Variants in MIA2 observed in about 807,000 individuals in gnomAD.
MIA2 encodes the protein MIA SH3 domain ER export factor 2.
In MIA2, 127 loss-of-function variants were observed where a neutral mutation model predicts 167.8. The observed-to-expected ratio is 0.76, with a 90% CI of 0.66 to 0.88. MIA2 has a LOEUF of 0.88. Among genes scored for constraint, MIA2 ranks in the 40% least tolerant of loss-of-function variants. The pLI, the probability that MIA2 is intolerant of heterozygous loss-of-function variation, is 0.00. For missense variants in MIA2, 1,690 were observed against 1,624.7 expected (o/e 1.04, Z -0.69); for synonymous variants, 552 against 541.9 (o/e 1.02, Z -0.26).
intron 26 of MIA2, among the ~76,000 whole-genome samples, chr14:39,346,710 A>G (rs1221103155): frequency 6.7e-6 from 1 of 149,000 alleles, no homozygotes; most frequent in Non-Finnish European, 1.5e-5. Flanking sequence ...TTTTAAAAAT[A>G]TTGATTTTCT....
rs754497058 is a variant in MIA2 at position 39,348,785 on chromosome 14, G to A, written c.3880G>A (p.Ala1294Thr). The A allele has an allele frequency of 2.5e-6, 4 of 1,613,848 alleles. No individual in the cohort carries two copies. Among genetic ancestry groups the A allele is most frequent in the Admixed American group, 3.3e-5 (2 of 59,988 alleles). The change falls in exon 28 of 29, where the codon GCC becomes ACC. Residue 1294 changes from alanine to threonine, a missense_variant. By Grantham distance (58) the Ala-to-Thr change is moderately conservative. Coordinates refer to ENST00000640607, the MANE Select transcript of MIA2 (RefSeq NM_001329214.4). ...PDSSLPAENE[A>T]TGPGFVPPPL... ...TTCATCTCTCCCTGCTGAAAATGAA[G>A]CCACTGGCCCTGGCTTTGTTCCTCC...
intron 22 of MIA2, 47 bp downstream of exon 22, chr14:39,318,058 C>T (rs763772792): frequency 1.8e-5 from 24 of 1,359,450 alleles, no homozygotes; most frequent in Middle Eastern, 3.6e-4. Context: ...TCTGTTATTT[C>T]GTTAATTAGG....
intron 23 of MIA2, among the ~76,000 whole-genome samples, chr14:39,361,758 T>C (rs1349505549): frequency 1.3e-5 from 2 of 152,078 alleles, no homozygotes; most frequent in East Asian, 3.9e-4. Context: ...CTATATTTGA[T>C]AGGAGTCATA....
intron 28 of MIA2, 97 bp from the exon 29 acceptor site, chr14:39,350,001 A>C: frequency 1.9e-6 from 1 of 520,644 alleles, no homozygotes; most frequent in Non-Finnish European, 3.5e-6. Flanking sequence ...TTTCAAATAA[A>C]AGAATAGGTA....
chr14:39,234,590 A>G (rs1245380925), intron 1 of MIA2, among the ~76,000 whole-genome samples: 1 of 152,112 alleles, frequency 6.6e-6, no homozygotes, highest in Non-Finnish European at 1.5e-5. Flanking sequence ...AAAAAAAGAC[A>G]TCAGGCTAAT....
At chr14:39,386,689 T>C (rs2139384464) in intron 23 of MIA2, 1 of 1,170,600 alleles carries the variant, frequency 8.5e-7, no homozygotes, top group Non-Finnish European at 1.3e-6. Flanking sequence ...TTATTGTTAT[T>C]GTTTTCTTGC....
intron 23 of MIA2, among the ~76,000 whole-genome samples, chr14:39,379,728 T>C (rs7158384): frequency 0.94 from 143,345 of 152,160 alleles, 67,658 homozygotes; most frequent in African/African-American, 0.99. Context: ...GGTGCGCACC[T>C]GTAATCCCAG....
intron 13 of MIA2, among the ~76,000 whole-genome samples, chr14:39,298,156 C>CAA (rs1372552345): frequency 1.3e-5 from 2 of 151,760 alleles, no homozygotes; most frequent in Non-Finnish European, 2.9e-5. Context: ...TGGCCTTTTC[C>CAA]ACCTTGGAAA....
downstream of MIA2, among the ~76,000 whole-genome samples, chr14:39,353,384 A>C (rs73279345): frequency 3.3e-5 from 5 of 152,042 alleles, no homozygotes; most frequent in African/African-American, 9.7e-5. Context: ...CTATCATTCT[A>C]TTCTCTGTGT....
At chr14:39,318,816 A>G (rs2065921769) in intron 22 of MIA2, among the ~76,000 whole-genome samples, 1 of 152,138 alleles carries the variant, frequency 6.6e-6, no homozygotes, top group African/African-American at 2.4e-5. Flanking sequence ...CTGTGTCTTA[A>G]TCCAGGCACT....
At position 39,347,884 on chromosome 14, in the gene MIA2, C is replaced by G. The variant is rs547075741; in HGVS notation, c.3837+113C>G. On this transcript the variant is annotated intron_variant, in intron 27 of 28. Transcript: ENST00000640607. ...TTGCCCAAGCTGGAGTGCAGTGGCG[C>G]TATCTCGGCTCACTGCAACCTGGGT... is the stretch of plus-strand genomic sequence containing the variant. 2.1e-4 allele frequency: 207 copies of G among 983,878 alleles called. 1 individual carries two copies. In the African/African-American group the frequency reaches 2.6e-3, roughly 12 times the overall value. 60.9% of individuals were successfully genotyped at this position (983,878 alleles called of 1,614,324 possible).
chr14:39,293,224 A>C lies in MIA2; in HGVS notation c.2209-47A>C, dbSNP rs2060970042. 14 of 1,257,988 alleles carry C rather than the reference A, an allele frequency of 1.1e-5. No homozygotes were observed. The East Asian group carries it at 3.3e-4, about 29-fold the overall frequency. The allele number at this position is 1,257,988 out of a possible 1,614,324, so 77.9% of individuals were successfully genotyped here. The stretch of plus-strand genomic sequence containing the variant: ...TTATTATGCTCGTCTGATTTCCCTA[A>C]TGAAAAATTCTTATATCTGTTTAAT... On this transcript the variant is annotated intron_variant, in intron 10 of 28. Coordinates refer to ENST00000640607, the MANE Select transcript of MIA2 (RefSeq NM_001329214.4).
At chr14:39,349,984 T>C in intron 28 of MIA2, 114 bp from the exon 29 acceptor site, 1 of 481,486 alleles carries the variant, frequency 2.1e-6, no homozygotes, top group South Asian at 5.2e-5. Context: ...AATTATCTAG[T>C]GTCAATTTTC....
At chr14:39,354,305 C>A (rs925902242), downstream of MIA2, among the ~76,000 whole-genome samples, 1 of 152,216 alleles carries the variant, frequency 6.6e-6, no homozygotes, top group African/African-American at 2.4e-5. Flanking sequence ...TTGCATTTCT[C>A]TGATGGCCAG....
intron 9 of MIA2, among the ~76,000 whole-genome samples, chr14:39,287,951 TC>T (rs1435399157): frequency 3.9e-5 from 6 of 151,976 alleles, no homozygotes. Flanking sequence ...GTCATGTGAT[TC>T]TCCCACCTTA....
At chr14:39,259,913 G>A (rs1594726778) in intron 6 of MIA2, among the ~76,000 whole-genome samples, 1 of 152,084 alleles carries the variant, frequency 6.6e-6, no homozygotes, top group East Asian at 1.9e-4. Context: ...CTGTGTCCAA[G>A]CGTTCTCATT....
rs1329449976 is a variant in MIA2 at position 39,247,160 on chromosome 14, T to C, written c.586T>C (p.Trp196Arg). 3 of 1,614,088 alleles carry C rather than the reference T, an allele frequency of 1.9e-6. No homozygotes were observed. Among genetic ancestry groups the C allele is most frequent in the Non-Finnish European group, 2.5e-6 (3 of 1,180,016 alleles). The change falls in exon 4 of 29, where the codon TGG becomes CGG. Residue 196 changes from tryptophan (W) to arginine (R), a missense_variant. By Grantham distance (101) the Trp-to-Arg change is moderately radical. Coordinates refer to ENST00000640607, the MANE Select transcript of MIA2 (RefSeq NM_001329214.4). ...DIGSTSESKD[W>R]EEVVVESMEQ... is the part of the protein sequence containing the mutation. The stretch of plus-strand genomic sequence containing the variant: ...CGGAAGTACCAGTGAATCAAAAGAC[T>C]GGGAAGAAGTAGTTGTTGAAAGTAT...
intron 6 of MIA2, among the ~76,000 whole-genome samples, chr14:39,261,917 A>G (rs1467544303): frequency 1.3e-5 from 2 of 152,044 alleles, no homozygotes; most frequent in African/African-American, 4.8e-5. Flanking sequence ...TAGATTGCAA[A>G]AATTTTGTCC....
chr14:39,341,674 A>G (rs571195216), intron 25 of MIA2, among the ~76,000 whole-genome samples: 1 of 152,270 alleles, frequency 6.6e-6, no homozygotes, highest in South Asian at 2.1e-4. Context: ...AGAGAAAAAA[A>G]GGTATGCAGT....
Sources: allele counts gnomAD v4.1 joint callset (sites outside exome capture counted in the v4.1 genomes callset), GRCh38; gene constraint gnomAD v4.1.1; transcripts MANE v1.5; gene names NCBI Gene and HGNC (gene_info 2026-07-23, HGNC 2026-07-21).